MAST1: variants seen among roughly 807,000 people sequenced by gnomAD.
The protein encoded by MAST1 is microtubule associated serine/threonine kinase 1, also known as microtubule-associated serine/threonine-protein kinase 1.
Under a neutral mutation model 124.6 loss-of-function variants are expected in MAST1, and 40 were observed. That is an observed-to-expected ratio of 0.32 (90% CI 0.25 to 0.42). The LOEUF is 0.42. Among genes scored for constraint, MAST1 ranks in the 10% least tolerant of loss-of-function variants. MAST1 has a pLI of 1.00. For synonymous variants in MAST1, 938 were observed against 939.4 expected, an observed-to-expected ratio of 1.00 and a Z score of 0.03; for missense variants, 1,558 against 2,181.9, an observed-to-expected ratio of 0.71 and a Z score of 5.70.
intron 7 of MAST1, 198 bp downstream of exon 7, chr19:12,848,255 T>C: frequency 1.7e-6 from 1 of 591,058 alleles, no homozygotes; most frequent in South Asian, 2.0e-5. Context: ...TTCACCTCGC[T>C]CATTTCCCTT....
intron 12 of MAST1, chr19:12,859,033 A>G (rs1346139330): frequency 1.0e-5 from 5 of 499,360 alleles, no homozygotes; most frequent in African/African-American, 9.8e-5. Flanking sequence ...TTTTCCATCC[A>G]TACATCCATG....
In MAST1 at chr19:12,868,253, C is replaced by T. The variant is rs560467430; in HGVS notation, c.2566+276C>T. Among the ~76,000 whole-genome samples, 30 of 151,404 alleles carry T rather than the reference C, an allele frequency of 2.0e-4. No individual in the cohort carries two copies. In the East Asian group the frequency reaches 3.9e-3, roughly 20 times the overall value. ...CCTCCCGAGTAGCTGGGATTACAGG[C>T]GCGCGCCACTACCCCCGGCTAATTT... is the stretch of plus-strand genomic sequence containing the variant. On this transcript the variant is annotated intron_variant, in intron 20 of 25. Coordinates refer to ENST00000251472, the MANE Select transcript of MAST1 (RefSeq NM_014975.3).
intron 2 of MAST1, among the ~76,000 whole-genome samples, 188 bp from the exon 3 acceptor site, chr19:12,840,803 C>T (rs1180834524): frequency 6.7e-6 from 1 of 149,352 alleles, no homozygotes; most frequent in Non-Finnish European, 1.5e-5. Flanking sequence ...CAGATGAAGC[C>T]AGAATCGTCT....
At position 12,869,233 on chromosome 19, in the gene MAST1, C is replaced by T. The variant is rs1970201858; in HGVS notation, c.2941C>T (p.Leu981=). 6.2e-7 allele frequency: 1 copy of T among 1,614,068 alleles called. No individual in the cohort carries two copies. Reference sequence around the variant, plus strand: ...CTCGGGCAAGAAGTATGGCTTCACACTGCGTGCCATCCGTGTCTACATGGG... The same window carrying T: ...CTCGGGCAAGAAGTATGGCTTCACATTGCGTGCCATCCGTGTCTACATGGG... ...QRSGKKYGFT[L]RAIRVYMGDT... The change falls in exon 22 of 26, where the codon CTG becomes TTG. Residue 981 remains leucine, a synonymous_variant. Transcript: ENST00000251472.
intron 22 of MAST1, 137 bp from the exon 23 acceptor site, chr19:12,870,687 G>A (rs544155930): frequency 2.1e-6 from 2 of 939,058 alleles, no homozygotes; most frequent in South Asian, 5.5e-5. Flanking sequence ...AAATGTGGGG[G>A]GAGGAATAAT....
chr19:12,862,826 C>T (rs1324688322), intron 12 of MAST1, among the ~76,000 whole-genome samples: 2 of 151,968 alleles, frequency 1.3e-5, no homozygotes, highest in African/African-American at 4.8e-5. Context: ...CACCACCACA[C>T]CTGGCTATTT....
At chr19:12,870,719 G>T in intron 22 of MAST1, 105 bp from the exon 23 acceptor site, 4 of 1,171,872 alleles carry the variant, frequency 3.4e-6, no homozygotes, top group African/African-American at 1.5e-5. Flanking sequence ...AAGGTGTTAT[G>T]AGGATTCTAA....
At chr19:12,840,588 G>T (rs945388919) in intron 2 of MAST1, 54 bp downstream of exon 2, 1 of 1,344,764 alleles carries the variant, frequency 7.4e-7, no homozygotes, top group Non-Finnish European at 1.1e-6. Context: ...AGTAGGCGGG[G>T]CCTCAGGCGA....
chr19:12,841,746 C>T lies in MAST1; in HGVS notation c.248+680C>T, dbSNP rs1969832555. On this transcript the variant is annotated intron_variant, in intron 3 of 25. Transcript: ENST00000251472. The surrounding 1 kb of genome is among the most constrained non-coding windows in gnomAD (Gnocchi z 4.3). The stretch of plus-strand genomic sequence containing the variant: ...GACGTCCTGTCTCTACCCTCTGAGT[C>T]GAATAGGGCAGGCAGGCCAGAGAAT... Among the ~76,000 whole-genome samples the T allele has an allele frequency of 6.6e-6, 1 of 152,130 alleles. No homozygotes were observed. Among genetic ancestry groups the T allele is most frequent in the African/African-American group, 2.4e-5 (1 of 41,390 alleles).
Position 12,866,060 on chromosome 19 carries a change from A to T in MAST1, c.1987A>T (p.Ile663Phe). 6.2e-7 allele frequency: 1 copy of T among 1,614,164 alleles called. No homozygotes were observed. Among genetic ancestry groups the T allele is most frequent in the Middle Eastern group, 1.6e-4 (1 of 6,062 alleles). The change falls in exon 17 of 26, where the codon ATC becomes TTC. Residue 663 changes from isoleucine to phenylalanine, a missense_variant. By Grantham distance (21) the Ile-to-Phe change is conservative (BLOSUM62 0). This residue lies in a region of MAST1 where 145 missense variants were observed against 350.0 expected (regional missense o/e 0.41). Transcript: ENST00000251472. The surrounding 1 kb of genome is among the most constrained non-coding windows in gnomAD (Gnocchi z 5.2). ...GCTGCTGAGGCAGAAGGCCGAGTTC[A>T]TCCCCCACCTAGAGTCGGAAGATGA... ...TGLLRQKAEF[I>F]PHLESEDDTS... is the part of the protein sequence containing the mutation.
rs773682137 is a variant in MAST1, at chr19:12,847,702, G to C, written c.564+15G>C. ...GGTTCCCGAAGGTGAGGTGGGACCCGAGGCGGTCACGGGGTGACCAGGCGG... is the reference window on the plus strand; with the variant it reads ...GGTTCCCGAAGGTGAGGTGGGACCCCAGGCGGTCACGGGGTGACCAGGCGG... On this transcript the variant is annotated intron_variant, in intron 6 of 25. Transcript: ENST00000251472. The surrounding 1 kb of genome is among the most constrained non-coding windows in gnomAD (Gnocchi z 5.5). 3 of 1,613,000 alleles carry C rather than the reference G, an allele frequency of 1.9e-6. No homozygotes were observed. The highest frequency in any genetic ancestry group is 1.7e-5 in the Admixed American group (1 of 59,980).
chr19:12,855,454 T>A (rs951338222), intron 10 of MAST1, among the ~76,000 whole-genome samples: 3 of 152,002 alleles, frequency 2.0e-5, no homozygotes, highest in Non-Finnish European at 4.4e-5. Flanking sequence ...AGACCCTGTC[T>A]CTACTTAAAA....
chr19:12,869,365 A>G (rs1028404218), intron 22 of MAST1, 70 bp downstream of exon 22: 18 of 1,308,326 alleles, frequency 1.4e-5, no homozygotes, highest in Non-Finnish European at 1.9e-5. Context: ...TCCAGCTCAA[A>G]CCAGTTAGCC....
chr19:12,839,922 A>G (rs1239420975), intron 1 of MAST1, among the ~76,000 whole-genome samples: 4 of 152,122 alleles, frequency 2.6e-5, no homozygotes, highest in African/African-American at 9.7e-5. Flanking sequence ...GAAAAAAAAT[A>G]ATAATAATAC....
At chr19:12,868,536 C>T (rs113319665) in intron 20 of MAST1, 107 bp from the exon 21 acceptor site, 11 of 949,260 alleles carry the variant, frequency 1.2e-5, no homozygotes, top group Non-Finnish European at 1.7e-5. Context: ...ATGAAACTCA[C>T]CATCCATCAA....
Position 12,841,179 on chromosome 19 carries a change from C to T in MAST1, c.248+113C>T. On this transcript the variant is annotated intron_variant, in intron 3 of 25. Transcript: ENST00000251472. The surrounding 1 kb of genome is among the most constrained non-coding windows in gnomAD (Gnocchi z 4.3). ...CACCCGAGCTGGGGCCTGAGGGGAC[C>T]AGCGAGTGCCCCAAGGTCTCAGCGG... The T allele has an allele frequency of 1.6e-6, 1 of 637,796 alleles. No homozygotes were observed. The highest frequency in any genetic ancestry group is 2.9e-6 in the Non-Finnish European group (1 of 350,564). 39.5% of individuals were successfully genotyped at this position (637,796 alleles called of 1,614,324 possible).
At chr19:12,842,392 A>C (rs1181070791) in intron 3 of MAST1, among the ~76,000 whole-genome samples, 1 of 151,824 alleles carries the variant, frequency 6.6e-6, no homozygotes, top group East Asian at 1.9e-4. Flanking sequence ...TTCTGGGTTC[A>C]AGCGATTCTC....
intron 3 of MAST1, among the ~76,000 whole-genome samples, chr19:12,842,963 TGAG>T (rs1348236461): frequency 2.0e-5 from 3 of 152,054 alleles, no homozygotes; most frequent in East Asian, 1.9e-4. Context: ...GTGTCTGTGT[TGAG>T]GAGTCATGTG....
At chr19:12,857,504 C>T (rs531071531) in intron 10 of MAST1, among the ~76,000 whole-genome samples, 11 of 150,382 alleles carry the variant, frequency 7.3e-5, no homozygotes, top group East Asian at 4.0e-4. Flanking sequence ...CTCTGCCTCC[C>T]GGGTTCACGC....
Sources: gnomAD v4.1 joint callset for allele counts (sites outside exome capture counted in the v4.1 genomes callset) on GRCh38, gnomAD v4.1.1 for gene constraint, gnomAD v4.1.1 regional missense constraint, Gnocchi (gnomAD v3.1) non-coding constraint, MANE v1.5 for transcripts, NCBI Gene and HGNC (gene_info 2026-07-23, HGNC 2026-07-21) for gene names.